TTLL5: variants seen among roughly 807,000 people sequenced by gnomAD.
TTLL5 encodes the protein tubulin polyglutamylase TTLL5.
Under a neutral mutation model 168.4 loss-of-function variants are expected in TTLL5, and 132 were observed. The observed-to-expected ratio is 0.78, with a 90% confidence interval of 0.68 to 0.91. The LOEUF (loss-of-function observed/expected upper bound fraction) is 0.91. Ranked by LOEUF, TTLL5 falls within the 40% of genes least tolerant of loss-of-function variation. The pLI, the probability that TTLL5 is intolerant of heterozygous loss-of-function variation, is 0.00. For missense variants in TTLL5, 1,545 were observed against 1,581.5 expected (o/e 0.98, Z 0.39); for synonymous variants, 546 against 558.6 (o/e 0.98, Z 0.32).
chr14:75,669,372 A>C, intron 2 of TTLL5, 44 bp from the exon 3 acceptor site: 1 of 1,551,584 alleles, frequency 6.4e-7, no homozygotes, highest in Non-Finnish European at 8.8e-7. Context: ...CAGTTAGTTC[A>C]GGTTTTGAGC....
intron 27 of TTLL5, among the ~76,000 whole-genome samples, chr14:75,807,668 C>T (rs1421630791): frequency 4.6e-5 from 7 of 152,200 alleles, no homozygotes; most frequent in African/African-American, 1.7e-4. Context: ...AGTTACTGTG[C>T]TAAGACTCAA....
intron 18 of TTLL5, among the ~76,000 whole-genome samples, chr14:75,755,475 C>T (rs537991396): frequency 1.3e-5 from 2 of 152,118 alleles, no homozygotes; most frequent in South Asian, 4.2e-4. Context: ...CTAAATTCTT[C>T]TAGCTTTGTC....
chr14:75,665,846 C>T (rs1425093196), intron 2 of TTLL5, among the ~76,000 whole-genome samples: 3 of 152,020 alleles, frequency 2.0e-5, no homozygotes, highest in East Asian at 1.9e-4. Flanking sequence ...AGTGAGACTC[C>T]GTCTCAAACA....
chr14:75,891,006 G>A (rs555336271), intron 30 of TTLL5, among the ~76,000 whole-genome samples: 11 of 152,030 alleles, frequency 7.2e-5, no homozygotes, highest in Non-Finnish European at 1.5e-4. Context: ...GGCGTGAGCC[G>A]CTGCACCTGG....
chr14:75,757,972 A>T, intron 18 of TTLL5: 1 of 1,162,866 alleles, frequency 8.6e-7, no homozygotes, highest in Non-Finnish European at 1.1e-6. Context: ...AGTTTGGTTC[A>T]GCTTGAATAG....
chr14:75,878,094 G>T (rs543901514), intron 29 of TTLL5, among the ~76,000 whole-genome samples: 1 of 152,218 alleles, frequency 6.6e-6, no homozygotes. Context: ...ACCACAAGTC[G>T]CAACCTAGAG....
intron 29 of TTLL5, among the ~76,000 whole-genome samples, chr14:75,865,076 T>G (rs1274812822): frequency 1.3e-5 from 2 of 152,174 alleles, no homozygotes; most frequent in East Asian, 3.8e-4. Context: ...CTTTAGACCA[T>G]TTTTACTGGA....
rs142082021 is a variant in TTLL5, at chr14:75,810,701, C to T, written c.3172-9306C>T. Among the ~76,000 whole-genome samples the T allele has an allele frequency of 1.1e-3, 171 of 152,176 alleles. 1 individual carries two copies. Among genetic ancestry groups the T allele is most frequent in the African/African-American group, 3.9e-3 (163 of 41,510 alleles). The stretch of plus-strand genomic sequence containing the variant: ...TAATGCTTAATTTTCTTCTCCATTT[C>T]GATAAATAAGATGCATGAAATTTGC... On this transcript the variant is annotated intron_variant, in intron 27 of 31. Coordinates refer to ENST00000298832, the MANE Select transcript of TTLL5 (RefSeq NM_015072.5).
At position 75,863,752 on chromosome 14, in the gene TTLL5, A is replaced by G. The variant is rs1199226587; in HGVS notation, c.3412A>G (p.Lys1138Glu). The G allele has an allele frequency of 6.2e-7, 1 of 1,613,816 alleles. No individual in the cohort carries two copies. The highest frequency in any genetic ancestry group is 1.7e-5 in the Admixed American group (1 of 60,000). ...GGCTACAGGGGTGGTCCCCCAGCACAAGTATCACCCCACAGCAGGCAGCTA... is the reference window on the plus strand; with the variant it reads ...GGCTACAGGGGTGGTCCCCCAGCACGAGTATCACCCCACAGCAGGCAGCTA... ...SQATGVVPQH[K>E]YHPTAGSYQL... The change falls in exon 29 of 32, where the codon AAG becomes GAG. Residue 1138 changes from lysine (K) to glutamate (E), a missense_variant. Physicochemically the swap from Lys to Glu is moderately conservative, Grantham distance 56. Transcript: ENST00000298832.
chr14:75,857,066 T>C (rs1897167306), intron 28 of TTLL5, among the ~76,000 whole-genome samples: 1 of 152,252 alleles, frequency 6.6e-6, no homozygotes, highest in Non-Finnish European at 1.5e-5. Context: ...CTCTAAAGTT[T>C]ATAAGGTTTT....
chr14:75,779,674 CA>C lies in TTLL5; in HGVS notation c.2489del (p.Asn830IlefsTer15). ...ACTCTAAAATTTCTAAGAACAACAA[CA>C]ATTATTCTGATAGTGGGGCAAAAGG... is the stretch of plus-strand genomic sequence containing the variant. ...THSKISKNNNNYSDSGAKGDH... is the reference protein window; with the variant it reads ...THSKISKNNNXYSDSGAKGDH... On this transcript the variant is annotated frameshift_variant, in exon 24 of 32. Coordinates refer to ENST00000298832, the MANE Select transcript of TTLL5 (RefSeq NM_015072.5). LOFTEE classifies it high-confidence loss of function. The C allele has an allele frequency of 6.2e-7, 1 of 1,613,166 alleles. No individual in the cohort carries two copies. The highest frequency in any genetic ancestry group is 8.5e-7 in the Non-Finnish European group (1 of 1,179,718).
At chr14:75,820,980 A>C (rs1242997718) in intron 28 of TTLL5, among the ~76,000 whole-genome samples, 2 of 152,172 alleles carry the variant, frequency 1.3e-5, no homozygotes, top group Non-Finnish European at 2.9e-5. Flanking sequence ...AAGTTTTACC[A>C]CAGGTGCCCG....
intron 31 of TTLL5, among the ~76,000 whole-genome samples, chr14:75,924,699 G>A (rs997295051): frequency 2.0e-5 from 3 of 151,922 alleles, no homozygotes; most frequent in South Asian, 2.1e-4. Flanking sequence ...ACACAGACAC[G>A]GCAACCATCC....
intron 31 of TTLL5, among the ~76,000 whole-genome samples, chr14:75,907,451 G>A (rs543263913): frequency 1.3e-5 from 2 of 152,236 alleles, no homozygotes; most frequent in African/African-American, 2.4e-5. Context: ...ATGCATTAAC[G>A]GCACACCTGC....
At chr14:75,755,975 A>AC (rs1180788714) in intron 18 of TTLL5, among the ~76,000 whole-genome samples, 15 of 112,022 alleles carry the variant, frequency 1.3e-4, no homozygotes, top group Admixed American at 4.7e-4. Context: ...TGTCCTGGCC[A>AC]CCCCCCCACC....
At chr14:75,849,222 T>G (rs896860073) in intron 28 of TTLL5, among the ~76,000 whole-genome samples, 3 of 152,234 alleles carry the variant, frequency 2.0e-5, no homozygotes, top group Admixed American at 6.5e-5. Flanking sequence ...CTTTTCTGTA[T>G]CTCTGCTTAT....
chr14:75,664,851 C>G (rs1285484341), intron 2 of TTLL5, among the ~76,000 whole-genome samples: 2 of 152,190 alleles, frequency 1.3e-5, no homozygotes, highest in Non-Finnish European at 2.9e-5. Flanking sequence ...TTCTTTTACT[C>G]CATTACTGTC....
intron 28 of TTLL5, among the ~76,000 whole-genome samples, chr14:75,855,655 T>C (rs533111987): frequency 6.6e-6 from 1 of 152,164 alleles, no homozygotes; most frequent in Non-Finnish European, 1.5e-5. Context: ...GTAGAAAGTT[T>C]TCCCAAATCT....
At chr14:75,784,999 G>A (rs1266295444) in intron 26 of TTLL5, among the ~76,000 whole-genome samples, 1 of 151,994 alleles carries the variant, frequency 6.6e-6, no homozygotes, top group Non-Finnish European at 1.5e-5. Flanking sequence ...CCCTTTGTCA[G>A]ATAGGATTTA....
Sources: allele counts gnomAD v4.1 joint callset (sites outside exome capture counted in the v4.1 genomes callset), GRCh38; gene constraint gnomAD v4.1.1; transcripts MANE v1.5; gene names NCBI Gene and HGNC (gene_info 2026-07-23, HGNC 2026-07-21).